Variants in NLGN4X observed in about 807,000 individuals in gnomAD.
The protein encoded by NLGN4X is neuroligin-4, X-linked.
A neutral mutation model predicts 40.3 loss-of-function variants in NLGN4X; 3 were observed. The ratio of observed to expected loss-of-function variants is 0.07; its 90% CI spans 0.03 to 0.19. The LOEUF (loss-of-function observed/expected upper bound fraction) is 0.19. Among genes scored for constraint, NLGN4X ranks in the 10% least tolerant of loss-of-function variants. The probability of loss-of-function intolerance (pLI) is 1.00; values close to 1 mark genes in which losing one functional copy is unlikely to be tolerated. For missense variants in NLGN4X, 382 were observed against 708.3 expected (o/e 0.54, Z 5.23); for synonymous variants, 270 against 306.8 (o/e 0.88, Z 1.25).
chrX:6,076,359 A>G (rs1193194768), intron 2 of NLGN4X, among the ~76,000 whole-genome samples: 1 of 111,993 alleles, frequency 8.9e-6, no homozygotes, highest in Non-Finnish European at 1.9e-5. Context: ...GTCCTATCAA[A>G]ATCAGCCACA....
At chrX:6,180,862 C>A (rs1249958104) in intron 1 of NLGN4X, among the ~76,000 whole-genome samples, 1 of 110,686 alleles carries the variant, frequency 9.0e-6, no homozygotes, top group Non-Finnish European at 1.9e-5. Flanking sequence ...AAAGCATTAC[C>A]CTTTAATGTC....
At chrX:6,006,617 C>T (rs894208135) in intron 3 of NLGN4X, among the ~76,000 whole-genome samples, 1 of 111,423 alleles carries the variant, frequency 9.0e-6, no homozygotes, top group Admixed American at 9.6e-5. Flanking sequence ...TCATTTCAAA[C>T]GAGCTATTTT....
At chrX:5,902,986 G>T in intron 5 of NLGN4X, 91 bp downstream of exon 5, 1 of 1,022,616 alleles carries the variant, frequency 9.8e-7, no homozygotes, top group Non-Finnish European at 1.4e-6. Context: ...ATGCGTGTGT[G>T]CTCCTGCACG....
chrX:6,158,840 C>T (rs746172882), intron 1 of NLGN4X, among the ~76,000 whole-genome samples: 8 of 111,977 alleles, frequency 7.1e-5, no homozygotes, highest in Non-Finnish European at 1.5e-4. Flanking sequence ...TTCCCTCCCC[C>T]ATGTGTCCAT....
chrX:5,954,594 A>ATCTCTG (rs201027723), intron 3 of NLGN4X, among the ~76,000 whole-genome samples: 17 of 97,770 alleles, frequency 1.7e-4, no homozygotes, highest in African/African-American at 5.0e-4. Flanking sequence ...GTCCCTGGCA[A>ATCTCTG]TCTCTGTCTC....
At chrX:6,000,897 T>C (rs950039016) in intron 3 of NLGN4X, among the ~76,000 whole-genome samples, 2 of 111,654 alleles carry the variant, frequency 1.8e-5, no homozygotes, top group Non-Finnish European at 3.8e-5. Context: ...CAATTTCCAT[T>C]ATCATGCTGC....
chrX:6,060,187 A>C (rs2037735585), intron 2 of NLGN4X, among the ~76,000 whole-genome samples: 1 of 112,146 alleles, frequency 8.9e-6, no homozygotes, highest in Non-Finnish European at 1.9e-5. Context: ...ACTCTTTTTG[A>C]GGCCTGAGAT....
At chrX:6,080,926 T>C (rs1051428413) in intron 2 of NLGN4X, among the ~76,000 whole-genome samples, 3 of 110,235 alleles carry the variant, frequency 2.7e-5, no homozygotes, top group African/African-American at 9.9e-5. Context: ...CTCAAACTCC[T>C]GGGCTCAGGC....
intron 2 of NLGN4X, among the ~76,000 whole-genome samples, chrX:6,140,713 G>C (rs368702686): frequency 1.9e-5 from 2 of 106,017 alleles, no homozygotes; most frequent in East Asian, 5.9e-4. Context: ...AAGTAGCTGG[G>C]ACTACAGGCC....
At chrX:6,002,710 A>G in intron 3 of NLGN4X, among the ~76,000 whole-genome samples, 1 of 111,540 alleles carries the variant, frequency 9.0e-6, no homozygotes, top group Non-Finnish European at 1.9e-5. Flanking sequence ...GAGAATTTAC[A>G]TTCCTGTTTT....
At chrX:6,221,879 T>C (rs149480026) in intron 1 of NLGN4X, among the ~76,000 whole-genome samples, 1,492 of 111,216 alleles carry the variant, frequency 0.013, 27 homozygotes, top group African/African-American at 0.046. Context: ...ATTGGTGGTG[T>C]TGAAATACTA....
At chrX:6,056,768 A>T (rs954260491) in intron 2 of NLGN4X, among the ~76,000 whole-genome samples, 3 of 112,200 alleles carry the variant, frequency 2.7e-5, no homozygotes, top group Non-Finnish European at 3.8e-5. Context: ...TCCACTGTGA[A>T]GGTGAATCCT....
At chrX:5,937,086 T>A (rs1459159588) in intron 3 of NLGN4X, among the ~76,000 whole-genome samples, 1 of 109,742 alleles carries the variant, frequency 9.1e-6, no homozygotes, top group Non-Finnish European at 1.9e-5. Flanking sequence ...TTGAATGAAT[T>A]TTTTTTTTAA....
intron 2 of NLGN4X, among the ~76,000 whole-genome samples, chrX:6,125,137 G>C (rs2039513222): frequency 8.9e-6 from 1 of 112,421 alleles, no homozygotes; most frequent in Non-Finnish European, 1.9e-5. Flanking sequence ...GACTGAAGAA[G>C]TGCTTAAAAG....
intron 2 of NLGN4X, among the ~76,000 whole-genome samples, chrX:6,084,958 A>T (rs903484775): frequency 1.8e-5 from 2 of 110,527 alleles, no homozygotes; most frequent in Non-Finnish European, 3.8e-5. Flanking sequence ...ACAAGCCAAC[A>T]GTAAGATCTC....
intron 5 of NLGN4X, among the ~76,000 whole-genome samples, chrX:5,894,551 C>T (rs992944122): frequency 8.1e-5 from 9 of 111,614 alleles, no homozygotes; most frequent in African/African-American, 2.9e-4. Flanking sequence ...AGGGCTGTTA[C>T]AGATGCTAAG....
intron 1 of NLGN4X, among the ~76,000 whole-genome samples, chrX:6,225,331 C>T (rs180907568): frequency 1.2e-3 from 128 of 109,009 alleles, no homozygotes; most frequent in African/African-American, 4.0e-3. Context: ...CTAACATCTT[C>T]CCCACAGCCA....
intron 2 of NLGN4X, among the ~76,000 whole-genome samples, chrX:6,137,662 ACT>A (rs2039850695): frequency 8.9e-6 from 1 of 111,748 alleles, no homozygotes. Flanking sequence ...GATGGCGATG[ACT>A]CTGATGATAT....
chrX:5,972,653 C>CT (rs1268707152), intron 3 of NLGN4X, among the ~76,000 whole-genome samples: 1 of 109,169 alleles, frequency 9.2e-6, no homozygotes, highest in East Asian at 2.9e-4. Context: ...ACTGCATAGT[C>CT]TATGAAAATG....
Sources: gnomAD v4.1 joint callset for allele counts (sites outside exome capture counted in the v4.1 genomes callset) on GRCh38, gnomAD v4.1.1 for gene constraint, MANE v1.5 for transcripts, NCBI Gene and HGNC (gene_info 2026-07-23, HGNC 2026-07-21) for gene names.